The following OTOGL variants were observed in gnomAD, a reference collection of about 807,000 sequenced individuals.
OTOGL encodes the protein otogelin-like protein.
Under a neutral mutation model 318.5 loss-of-function variants are expected in OTOGL, and 285 were observed. That is an observed-to-expected ratio of 0.89 (90% CI 0.81 to 0.99). OTOGL has a LOEUF of 0.99. OTOGL is among the 50% of genes least tolerant of loss of function. The pLI, the probability that OTOGL is intolerant of heterozygous loss-of-function variation, is 0.00. For missense variants in OTOGL, 2,899 were observed against 2,845.6 expected (o/e 1.02, Z -0.43); for synonymous variants, 987 against 936.5 (o/e 1.05, Z -0.99).
intron 26 of OTOGL, among the ~76,000 whole-genome samples, chr12:80,293,662 T>C (rs1306069709): frequency 6.6e-6 from 1 of 152,204 alleles, no homozygotes; most frequent in Non-Finnish European, 1.5e-5. Context: ...TTCAGCTTTT[T>C]TTTTTTTACC....
intron 1 of OTOGL, among the ~76,000 whole-genome samples, chr12:80,207,020 C>T (rs970796513): frequency 4.6e-5 from 7 of 152,178 alleles, no homozygotes; most frequent in South Asian, 4.1e-4. Context: ...TAAGTACATA[C>T]GAATACCAAA....
chr12:80,173,087 T>G (rs1874313410), intron 1 of OTOGL, among the ~76,000 whole-genome samples: 1 of 152,122 alleles, frequency 6.6e-6, no homozygotes, highest in African/African-American at 2.4e-5. Flanking sequence ...ACCCCTGAAC[T>G]TAAAAGTTGG....
chr12:80,108,775 A>ATATATATATGTG lies in OTOGL; in HGVS notation c.-20+9179_-20+9180insGTGTATATATAT, dbSNP rs1869613456. 5.6e-5 allele frequency among the ~76,000 whole-genome samples: 7 copies of ATATATATATGTG among 125,882 alleles called. 1 individual carries two copies. Among genetic ancestry groups the ATATATATATGTG allele is most frequent in the East Asian group, 2.2e-4 (1 of 4,630 alleles). 82.6% of individuals were successfully genotyped at this position (125,882 alleles called of 152,430 possible). Reference sequence around the variant, plus strand: ...AAAAAATATATATATATACACGTATATATATATATATGTATATATATATAT... The same window carrying ATATATATATGTG: ...AAAAAATATATATATATACACGTATATATATATATGTGTATATATATATGTATATATATATAT... On this transcript the variant is annotated intron_variant, in intron 1 of 58. Coordinates refer to ENST00000547103, the MANE Select transcript of OTOGL (RefSeq NM_001378609.3).
chr12:80,203,432 T>G (rs1210331396), intron 1 of OTOGL, among the ~76,000 whole-genome samples: 1 of 152,162 alleles, frequency 6.6e-6, no homozygotes, highest in African/African-American at 2.4e-5. Context: ...AAAGGCTGTT[T>G]TGTTATGTTA....
intron 10 of OTOGL, 83 bp downstream of exon 10, chr12:80,239,061 T>G: frequency 7.3e-7 from 1 of 1,372,136 alleles, no homozygotes; most frequent in Non-Finnish European, 9.6e-7. Context: ...CATTTTTTAG[T>G]GTAAACACAA....
In OTOGL at chr12:80,289,019, TG is replaced by T. The variant is rs1592661721; in HGVS notation, c.2929-7807del. Among the ~76,000 whole-genome samples the T allele has an allele frequency of 2.0e-5, 3 of 152,296 alleles. No individual in the cohort carries two copies. In the East Asian group the frequency reaches 5.8e-4, roughly 30 times the overall value. On this transcript the variant is annotated intron_variant, in intron 26 of 58. Coordinates refer to ENST00000547103, the MANE Select transcript of OTOGL (RefSeq NM_001378609.3). ...ATTTTCAGCATTTTTGTGCCGTTTT[TG>T]CTCTTCTTCGTGGATTTATCTACCT...
At chr12:80,308,559 C>A (rs1016638989) in intron 29 of OTOGL, among the ~76,000 whole-genome samples, 1 of 151,634 alleles carries the variant, frequency 6.6e-6, no homozygotes, top group Non-Finnish European at 1.5e-5. Flanking sequence ...ACTTCCCAGA[C>A]GGGGTGGCGG....
chr12:80,271,122 C>A (rs375655342), intron 23 of OTOGL, among the ~76,000 whole-genome samples: 1 of 152,096 alleles, frequency 6.6e-6, no homozygotes, highest in African/African-American at 2.4e-5. Flanking sequence ...CAGGGTGACT[C>A]GCCCCCATTT....
chr12:80,210,228 A>C (rs1466014674), intron 2 of OTOGL, among the ~76,000 whole-genome samples: 1 of 152,122 alleles, frequency 6.6e-6, no homozygotes, highest in Middle Eastern at 3.2e-3. Context: ...TTTTAAATTC[A>C]TGAAATACAT....
chr12:80,219,780 C>T, intron 5 of OTOGL, 34 bp from the exon 6 acceptor site: 1 of 1,349,200 alleles, frequency 7.4e-7, no homozygotes, highest in Non-Finnish European at 1.0e-6. Context: ...AAATGGATGC[C>T]AGAAGATAAC....
intron 1 of OTOGL, among the ~76,000 whole-genome samples, chr12:80,120,293 A>T (rs1206291457): frequency 6.6e-6 from 1 of 152,198 alleles, no homozygotes; most frequent in Non-Finnish European, 1.5e-5. Context: ...GACAACAAAT[A>T]TCATTTAATT....
chr12:80,219,879 A>G lies in OTOGL; in HGVS notation c.301A>G (p.Ile101Val). The change falls in exon 6 of 59, where the codon ATA (isoleucine) becomes GTA (valine). Residue 101 changes from isoleucine to valine, a missense_variant. By Grantham distance (29) the Ile-to-Val change is conservative. Around this residue, in one of 3 missense-constraint regions of OTOGL, gnomAD observed 2,607 missense variants for 2,524.9 expected, o/e 1.03. Transcript: ENST00000547103. The stretch of plus-strand genomic sequence containing the variant: ...TAAGACTGGAACATGTGACTGTCAA[A>G]TATTTCAGGCTCTTGGGACAAGATG... ...CSKTGTCDCQIFQALGTRCQI... is the reference protein window; with the variant it reads ...CSKTGTCDCQVFQALGTRCQI... 2 of 1,591,112 alleles carry G rather than the reference A, an allele frequency of 1.3e-6. No homozygotes were observed. Among genetic ancestry groups the G allele is most frequent in the Non-Finnish European group, 1.7e-6 (2 of 1,173,196 alleles).
intron 1 of OTOGL, among the ~76,000 whole-genome samples, chr12:80,099,975 C>T (rs911665533): frequency 4.6e-5 from 7 of 152,224 alleles, no homozygotes; most frequent in Non-Finnish European, 7.4e-5. Context: ...TGTTGCTTCA[C>T]GTTAATGGAA....
chr12:80,313,480 A>G lies in OTOGL; in HGVS notation c.3455A>G (p.Asp1152Gly). The change falls in exon 31 of 59, where the codon GAC becomes GGC. Residue 1152 changes from aspartate to glycine, a missense_variant. Asp to Gly is a moderately conservative substitution (Grantham distance 94). Coordinates refer to ENST00000547103, the MANE Select transcript of OTOGL (RefSeq NM_001378609.3). ...DIFASCRNVI[D>G]VTSFAKNCHE... is the part of the protein sequence containing the mutation. ...ATCTTTCACCTCATTTTTCAGATTG[A>G]CGTTACTTCTTTTGCCAAAAATTGT... 6.2e-7 allele frequency: 1 copy of G among 1,606,590 alleles called. No individual in the cohort carries two copies.
At position 80,129,662 on chromosome 12, in the gene OTOGL, G is replaced by A. The variant is rs527344542; in HGVS notation, c.-20+30057G>A. ...CTTCTGAACTTTCCTAAAATACTTT[G>A]TTACCTCTGTTTCTTCACTGCCTAC... On this transcript the variant is annotated intron_variant, in intron 1 of 58. Transcript: ENST00000547103. 1.5e-4 allele frequency among the ~76,000 whole-genome samples: 22 copies of A among 150,458 alleles called. 1 individual carries two copies. In the South Asian group the frequency reaches 4.0e-3, roughly 27 times the overall value.
At chr12:80,367,538 T>C (rs1346227422) in intron 53 of OTOGL, 23 bp from the exon 54 acceptor site, 2 of 1,443,650 alleles carry the variant, frequency 1.4e-6, no homozygotes, top group East Asian at 2.5e-5. Flanking sequence ...TATTTTCTTA[T>C]TGACTATGTT....
chr12:80,218,518 C>A (rs1334139931), intron 5 of OTOGL, among the ~76,000 whole-genome samples: 1 of 152,148 alleles, frequency 6.6e-6, no homozygotes, highest in Non-Finnish European at 1.5e-5. Flanking sequence ...GTGTTAAATT[C>A]TTCCTGCTTG....
In OTOGL at chr12:80,342,031, A is replaced by T. The variant is rs1438259088; in HGVS notation, c.5134A>T (p.Ile1712Phe). The stretch of plus-strand genomic sequence containing the variant: ...AAATATGGAAGACATAGGATTATTT[A>T]TTGAGAGCTGGGAAATTGAGAAATC... ...ITNMEDIGLF[I>F]ESWEIEKSFE... The change falls in exon 44 of 59, where the codon ATT becomes TTT. Residue 1712 changes from isoleucine (I) to phenylalanine (F), a missense_variant. Transcript: ENST00000547103. The T allele has an allele frequency of 1.2e-6, 2 of 1,607,988 alleles. No individual in the cohort carries two copies. The highest frequency in any genetic ancestry group is 1.7e-6 in the Non-Finnish European group (2 of 1,176,496).
At chr12:80,287,432 GT>G (rs2137662379) in intron 26 of OTOGL, among the ~76,000 whole-genome samples, 1 of 151,808 alleles carries the variant, frequency 6.6e-6, no homozygotes, top group South Asian at 2.1e-4. Context: ...CCAGAGCTGA[GT>G]TCCAGTCCTG....
Sources: allele counts gnomAD v4.1 joint callset (sites outside exome capture counted in the v4.1 genomes callset), GRCh38; gene constraint gnomAD v4.1.1; regional missense constraint gnomAD v4.1.1; transcripts MANE v1.5; gene names NCBI Gene and HGNC (gene_info 2026-07-23, HGNC 2026-07-21).